The following KIF2C variants were observed in gnomAD, a reference collection of about 807,000 sequenced individuals.
KIF2C encodes kinesin-like protein KIF2C.
KIF2C carries 34 observed loss-of-function variants against 97.4 expected under a neutral mutation model. That is an observed-to-expected ratio of 0.35 (90% CI 0.27 to 0.46). KIF2C has a LOEUF of 0.46. Among genes scored for constraint, KIF2C ranks in the 20% least tolerant of loss-of-function variants. The pLI, the probability that KIF2C is intolerant of heterozygous loss-of-function variation, is 1.00. For missense variants in KIF2C, 750 were observed against 907.6 expected (o/e 0.83, Z 2.23); for synonymous variants, 313 against 318.2 (o/e 0.98, Z 0.17).
At chr1:44,740,799 T>TTA in intron 1 of KIF2C, 114 bp from the exon 2 acceptor site, 1 of 404,752 alleles carries the variant, frequency 2.5e-6, no homozygotes. Flanking sequence ...TTTTTTTTTT[T>TTA]AAGGTAGCTG....
In KIF2C at chr1:44,750,581, C is replaced by T; in HGVS notation, c.439+17C>T. 2.0e-6 allele frequency: 3 copies of T among 1,507,618 alleles called. No individual in the cohort carries two copies. The highest frequency in any genetic ancestry group is 2.7e-6 in the Non-Finnish European group (3 of 1,118,776). 93.4% of individuals were successfully genotyped at this position (1,507,618 alleles called of 1,614,324 possible). ...CAGTTCCTCGTGAGTAACGAATGTG[C>T]CCCCAACCACCATGTTTGAGGCCCT... On this transcript the variant is annotated intron_variant, in intron 5 of 20. Coordinates refer to ENST00000372224, the MANE Select transcript of KIF2C (RefSeq NM_006845.4).
At chr1:44,753,538 T>A (rs1046642319) in intron 6 of KIF2C, among the ~76,000 whole-genome samples, 195 bp from the exon 7 acceptor site, 1 of 152,150 alleles carries the variant, frequency 6.6e-6, no homozygotes, top group Non-Finnish European at 1.5e-5. Context: ...GGCCACTACT[T>A]TGTGGACTTG....
chr1:44,761,870 C>T lies in KIF2C; in HGVS notation c.1684-46C>T, dbSNP rs1288152010. ...CCCTCAGGGACAGGCTATATAGCATCCTCACCGTGCCTCTCAGCCTTTAAT... is the reference window on the plus strand; with the variant it reads ...CCCTCAGGGACAGGCTATATAGCATTCTCACCGTGCCTCTCAGCCTTTAAT... On this transcript the variant is annotated intron_variant, in intron 16 of 20. Transcript: ENST00000372224. 3.2e-6 allele frequency: 5 copies of T among 1,579,454 alleles called. No homozygotes were observed. The East Asian group carries it at 6.7e-5, about 21-fold the overall frequency.
chr1:44,745,650 A>C (rs2148822057), intron 2 of KIF2C, among the ~76,000 whole-genome samples: 1 of 150,772 alleles, frequency 6.6e-6, no homozygotes, highest in East Asian at 2.0e-4. Flanking sequence ...TTTTATTTTT[A>C]GTAGAGACGG....
At chr1:44,761,870 C>G in intron 16 of KIF2C, 46 bp from the exon 17 acceptor site, 1 of 1,579,572 alleles carries the variant, frequency 6.3e-7, no homozygotes, top group Non-Finnish European at 8.7e-7. Context: ...TATATAGCAT[C>G]CTCACCGTGC....
At position 44,765,598 on chromosome 1, in the gene KIF2C, G is replaced by A. The variant is rs534627692; in HGVS notation, c.1972-1228G>A. ...GCCTATAATCCCAGCACTTTGGGAG[G>A]CCAAGGCAGGCAGATCACAAGGTCA... On this transcript the variant is annotated intron_variant, in intron 19 of 20. Transcript: ENST00000372224. 3.3e-5 allele frequency among the ~76,000 whole-genome samples: 5 copies of A among 152,320 alleles called. No individual in the cohort carries two copies. In the East Asian group the frequency reaches 7.7e-4, roughly 24 times the overall value.
At position 44,762,383 on chromosome 1, in the gene KIF2C, G is replaced by A. The variant is rs752173183; in HGVS notation, c.1789G>A (p.Glu597Lys). Reference protein sequence around the residue: ...ELSPHSGPSGEQLIQMETEEM... With the variant: ...ELSPHSGPSGKQLIQMETEEM... ...GAGCCCCCACAGTGGGCCCAGTGGA[G>A]AGCAGTTGATTCAAATGGAAACAGA... Residue 597 changes from glutamate (E) to lysine (K), a missense_variant, in exon 18 of 21, where the codon GAG (glutamate) becomes AAG (lysine). By Grantham distance (56) the Glu-to-Lys change is moderately conservative. Transcript: ENST00000372224. 6.2e-7 allele frequency: 1 copy of A among 1,614,148 alleles called. No homozygotes were observed. Among genetic ancestry groups the A allele is most frequent in the African/African-American group, 1.3e-5 (1 of 75,048 alleles).
chr1:44,761,843 G>T (rs1650160924), intron 16 of KIF2C, 73 bp from the exon 17 acceptor site: 1 of 1,364,724 alleles, frequency 7.3e-7, no homozygotes, highest in South Asian at 1.2e-5. Context: ...CTGACTGGAG[G>T]CCCCTCAGGG....
Position 44,745,658 on chromosome 1 carries a change from C to T in KIF2C, c.166-1726C>T, listed in dbSNP as rs539496935. ...GCTAATTTTTTATTTTTAGTAGAGA[C>T]GGGGTTTTTCCATGTTGGTCAGGCT... is the stretch of plus-strand genomic sequence containing the variant. On this transcript the variant is annotated intron_variant, in intron 2 of 20. Coordinates refer to ENST00000372224, the MANE Select transcript of KIF2C (RefSeq NM_006845.4). Among the ~76,000 whole-genome samples the T allele has an allele frequency of 1.3e-4, 20 of 151,032 alleles. No homozygotes were observed. In the East Asian group the frequency reaches 2.9e-3, roughly 22 times the overall value.
At chr1:44,741,057 A>G in intron 2 of KIF2C, 50 bp downstream of exon 2, 1 of 1,408,070 alleles carries the variant, frequency 7.1e-7, no homozygotes, top group Non-Finnish European at 1.0e-6. Context: ...TCCTACATAA[A>G]GGATCTGTGC....
At chr1:44,761,556 T>C (rs796731630) in intron 16 of KIF2C, among the ~76,000 whole-genome samples, 1 of 150,114 alleles carries the variant, frequency 6.7e-6, no homozygotes, top group South Asian at 2.1e-4. Flanking sequence ...TGCAGTGAGC[T>C]GAGATCGCAC....
intron 2 of KIF2C, among the ~76,000 whole-genome samples, chr1:44,743,156 G>A (rs1385987241): frequency 6.6e-6 from 1 of 152,200 alleles, no homozygotes; most frequent in Non-Finnish European, 1.5e-5. Context: ...TAGGCAGTGG[G>A]GAACCTTGGA....
intron 5 of KIF2C, among the ~76,000 whole-genome samples, chr1:44,752,397 G>C (rs1180087242): frequency 1.3e-5 from 2 of 152,000 alleles, no homozygotes; most frequent in East Asian, 3.9e-4. Flanking sequence ...GCCTCCCAAA[G>C]TGCTGGGATT....
rs568851559 is a variant in KIF2C at position 44,753,895 on chromosome 1, C to T, written c.663+62C>T. On this transcript the variant is annotated intron_variant, in intron 7 of 20. Coordinates refer to ENST00000372224, the MANE Select transcript of KIF2C (RefSeq NM_006845.4). The stretch of plus-strand genomic sequence containing the variant: ...ACAGGTGTCCTTAACCGAAACTCTA[C>T]GGGCAACAGAGATACAGTTGGGCCC... 9.7e-5 allele frequency: 84 copies of T among 865,232 alleles called. 1 individual carries two copies. The highest frequency in any genetic ancestry group is 8.3e-4 in the South Asian group (48 of 57,504). The allele number at this position is 865,232 out of a possible 1,614,324, so 53.6% of individuals were successfully genotyped here.
Position 44,754,768 on chromosome 1 carries a change from C to T in KIF2C, c.682C>T (p.Pro228Ser). The part of the protein sequence containing the change: ...KRAQEYDSSF[P>S]NWEFARMIKE... ...AAACCAGGAGTATGACAGTAGTTTT[C>T]CAAACTGGGAATTTGCCCGAATGAT... The change falls in exon 8 of 21, where the codon CCA becomes TCA. Residue 228 changes from proline to serine, a missense_variant. Coordinates refer to ENST00000372224, the MANE Select transcript of KIF2C (RefSeq NM_006845.4). The T allele has an allele frequency of 1.9e-6, 3 of 1,612,694 alleles. No homozygotes were observed. Among genetic ancestry groups the T allele is most frequent in the South Asian group, 2.2e-5 (2 of 91,036 alleles).
chr1:44,767,767 A>G lies in KIF2C; in HGVS notation c.*588A>G, dbSNP rs980940510. On this transcript the variant is annotated 3_prime_UTR_variant, in exon 21 of 21. Coordinates refer to ENST00000372224, the MANE Select transcript of KIF2C (RefSeq NM_006845.4). ...AAATCAGCTGTTTAAGTGTGTGGAA[A>G]GGGCCTGGGATGTGTCTGAGCCTTT... 6.5e-6 allele frequency: 1 copy of G among 155,032 alleles called. No individual in the cohort carries two copies. The highest frequency in any genetic ancestry group is 6.3e-5 in the Admixed American group (1 of 15,952). The allele number at this position is 155,032 out of a possible 1,614,324, so 9.6% of individuals were successfully genotyped here.
chr1:44,762,180 TG>T (rs772774232), intron 17 of KIF2C, 165 bp from the exon 18 acceptor site: 2 of 846,390 alleles, frequency 2.4e-6, no homozygotes, highest in South Asian at 2.7e-5. Context: ...GTCAGCTGGG[TG>T]AGGGGCTTTT....
Position 44,753,189 on chromosome 1 carries a change from G to A in KIF2C, c.497G>A (p.Ser166Asn), listed in dbSNP as rs1573562360. Residue 166 changes from serine (S) to asparagine (N), a missense_variant, in exon 6 of 21, where the codon AGC becomes AAC. By Grantham distance (46) the Ser-to-Asn change is conservative. Coordinates refer to ENST00000372224, the MANE Select transcript of KIF2C (RefSeq NM_006845.4). ...GCTGAAATACCATTGAGGATGGTCAGCGAGGAGATGGAAGAGCAAGTCCAT... is the reference window on the plus strand; with the variant it reads ...GCTGAAATACCATTGAGGATGGTCAACGAGGAGATGGAAGAGCAAGTCCAT... ...AVAEIPLRMVSEEMEEQVHSI... is the reference protein window; with the variant it reads ...AVAEIPLRMVNEEMEEQVHSI... 6.2e-7 allele frequency: 1 copy of A among 1,614,058 alleles called. No individual in the cohort carries two copies. Among genetic ancestry groups the A allele is most frequent in the Non-Finnish European group, 8.5e-7 (1 of 1,179,948 alleles).
At chr1:44,753,083 G>T (rs780684152) in intron 5 of KIF2C, 49 bp from the exon 6 acceptor site, 3 of 1,579,034 alleles carry the variant, frequency 1.9e-6, no homozygotes, top group Non-Finnish European at 2.6e-6. Flanking sequence ...CAGGTGAGAT[G>T]CCTGTGGTAT....
Sources: gnomAD v4.1 joint callset for allele counts (sites outside exome capture counted in the v4.1 genomes callset) on GRCh38, gnomAD v4.1.1 for gene constraint, MANE v1.5 for transcripts, NCBI Gene and HGNC (gene_info 2026-07-23, HGNC 2026-07-21) for gene names.